The following NAALADL2 variants were observed in gnomAD, a reference collection of about 807,000 sequenced individuals.
NAALADL2 encodes the protein inactive N-acetylated-alpha-linked acidic dipeptidase-like protein 2.
In NAALADL2, 76 loss-of-function variants were observed where a neutral mutation model predicts 87.2. The ratio of observed to expected loss-of-function variants is 0.87; its 90% CI spans 0.72 to 1.05. The LOEUF (loss-of-function observed/expected upper bound fraction) is 1.05, where lower values mean the gene tolerates loss of function less well. Among genes scored for constraint, NAALADL2 ranks in the 50% least tolerant of loss-of-function variants. NAALADL2 has a pLI of 0.00. For synonymous variants in NAALADL2, 354 were observed against 331.0 expected (o/e 1.07, Z -0.75); for missense variants, 1,089 against 945.8 (o/e 1.15, Z -1.99).
intron 2 of NAALADL2, among the ~76,000 whole-genome samples, chr3:174,651,095 G>A (rs1724309117): frequency 6.6e-6 from 1 of 151,662 alleles, no homozygotes. Flanking sequence ...TTTATTTTTA[G>A]CTTTCCATTA....
chr3:175,807,129 A>G lies in NAALADL2; in HGVS notation c.*3926A>G, dbSNP rs990081307. 2 of 151,936 alleles carry G rather than the reference A, an allele frequency of 1.3e-5. No individual in the cohort carries two copies. The highest frequency in any genetic ancestry group is 3.4e-3 in the Middle Eastern group (1 of 294). 9.4% of individuals were successfully genotyped at this position (151,936 alleles called of 1,614,324 possible). On this transcript the variant is annotated 3_prime_UTR_variant, in exon 14 of 14. Transcript: ENST00000454872. ...GTAGGCTTACAAACAGTAAAAAGAG[A>G]CCAGAAACCACAAGTCTTACACTTT...
intron 11 of NAALADL2, among the ~76,000 whole-genome samples, chr3:175,736,483 G>A: frequency 6.6e-6 from 1 of 152,182 alleles, no homozygotes; most frequent in East Asian, 1.9e-4. Context: ...ACCAAACAAA[G>A]AGTCTGTTAC....
At chr3:175,563,819 G>A (rs1435434088) in intron 9 of NAALADL2, among the ~76,000 whole-genome samples, 4 of 152,120 alleles carry the variant, frequency 2.6e-5, no homozygotes, top group Non-Finnish European at 5.9e-5. Context: ...AACCTTCAAG[G>A]ATTAGCATTG....
chr3:175,741,789 C>G (rs1259081288), intron 12 of NAALADL2, among the ~76,000 whole-genome samples: 1 of 152,036 alleles, frequency 6.6e-6, no homozygotes, highest in Non-Finnish European at 1.5e-5. Flanking sequence ...GGTTGAGACA[C>G]CTATAACAAA....
chr3:175,249,280 T>G, intron 3 of NAALADL2, among the ~76,000 whole-genome samples: 1 of 152,156 alleles, frequency 6.6e-6, no homozygotes, highest in South Asian at 2.1e-4. Context: ...GTTAAAATTC[T>G]AATTAAAGAT....
At chr3:174,945,785 C>A (rs920440436) in intron 1 of NAALADL2, among the ~76,000 whole-genome samples, 1 of 152,118 alleles carries the variant, frequency 6.6e-6, no homozygotes. Context: ...AGGTGGCTCA[C>A]GCCTGTAATC....
chr3:174,964,307 T>C (rs2108575051), intron 1 of NAALADL2, among the ~76,000 whole-genome samples: 2 of 152,204 alleles, frequency 1.3e-5, no homozygotes, highest in Middle Eastern at 3.4e-3. Flanking sequence ...TCAAGAGTTC[T>C]TTGGACATGC....
chr3:174,610,124 T>A (rs75069520), intron 2 of NAALADL2, among the ~76,000 whole-genome samples: 48,852 of 145,304 alleles, frequency 0.34, 9,415 homozygotes, highest in Middle Eastern at 0.45. Flanking sequence ...TAGAAAGCTG[T>A]AACTGGATCC....
intron 10 of NAALADL2, among the ~76,000 whole-genome samples, chr3:175,613,375 A>C (rs1397395822): frequency 6.6e-6 from 1 of 152,216 alleles, no homozygotes; most frequent in Non-Finnish European, 1.5e-5. Flanking sequence ...AATACGATAA[A>C]GTAGTGCATA....
chr3:175,129,747 A>G (rs1303059820), intron 2 of NAALADL2, among the ~76,000 whole-genome samples: 1 of 152,162 alleles, frequency 6.6e-6, no homozygotes. Flanking sequence ...TCGTTCCCAT[A>G]TCTTGGCTAC....
intron 1 of NAALADL2, among the ~76,000 whole-genome samples, chr3:174,465,880 G>T (rs1240126415): frequency 2.6e-5 from 4 of 151,868 alleles, no homozygotes; most frequent in Non-Finnish European, 4.4e-5. Context: ...AGTTTTCAGT[G>T]TGTTTCTGTG....
At chr3:174,855,931 A>AAT (rs910089756), upstream of NAALADL2, among the ~76,000 whole-genome samples, 1 of 149,046 alleles carries the variant, frequency 6.7e-6, no homozygotes, top group Non-Finnish European at 1.5e-5. Context: ...CATAGATATG[A>AAT]ATATATATAC....
chr3:175,316,764 A>T (rs1271554219), intron 4 of NAALADL2, among the ~76,000 whole-genome samples: 1 of 152,136 alleles, frequency 6.6e-6, no homozygotes, highest in Non-Finnish European at 1.5e-5. Flanking sequence ...ATTTTAGACA[A>T]CCCCAACCTC....
chr3:174,766,359 C>T (rs766250653), intron 3 of NAALADL2, among the ~76,000 whole-genome samples: 1 of 152,162 alleles, frequency 6.6e-6, no homozygotes, highest in Non-Finnish European at 1.5e-5. Flanking sequence ...TTGATCTTCA[C>T]CTTATCTCTC....
chr3:175,575,622 G>T (rs1039442837), intron 9 of NAALADL2, among the ~76,000 whole-genome samples: 3 of 152,066 alleles, frequency 2.0e-5, no homozygotes, highest in Non-Finnish European at 2.9e-5. Flanking sequence ...AAGAAGAACA[G>T]AATTATACCC....
At chr3:175,231,554 C>T (rs1263656414) in intron 2 of NAALADL2, among the ~76,000 whole-genome samples, 1 of 151,914 alleles carries the variant, frequency 6.6e-6, no homozygotes, top group Non-Finnish European at 1.5e-5. Flanking sequence ...ATTTCATTTG[C>T]CTTCGAGGCC....
chr3:174,972,889 G>A (rs9855762), intron 1 of NAALADL2, among the ~76,000 whole-genome samples: 6,845 of 151,852 alleles, frequency 0.045, 524 homozygotes, highest in African/African-American at 0.16. Flanking sequence ...CCAGCTAGTC[G>A]GGAGGCTGAG....
chr3:175,808,581 A>G lies in NAALADL2; in HGVS notation c.*5378A>G, dbSNP rs1754898933. Reference sequence around the variant, plus strand: ...TTTCATCTAATTTCTTTGATGGCTTAAGCCAATAAGCACTGAGGTAGCTTT... The same window carrying G: ...TTTCATCTAATTTCTTTGATGGCTTGAGCCAATAAGCACTGAGGTAGCTTT... On this transcript the variant is annotated 3_prime_UTR_variant, in exon 14 of 14. Transcript: ENST00000454872. 1 of 151,958 alleles carries G rather than the reference A, an allele frequency of 6.6e-6. No individual in the cohort carries two copies. The highest frequency in any genetic ancestry group is 2.1e-4 in the South Asian group (1 of 4,826). The allele number at this position is 151,958 out of a possible 1,614,324, so 9.4% of individuals were successfully genotyped here.
At chr3:174,913,173 T>C (rs1285499407) in intron 1 of NAALADL2, among the ~76,000 whole-genome samples, 2 of 152,144 alleles carry the variant, frequency 1.3e-5, no homozygotes, top group African/African-American at 4.8e-5. Context: ...TGGTAGAACT[T>C]TCCCTATAAA....
Sources: allele counts gnomAD v4.1 joint callset (sites outside exome capture counted in the v4.1 genomes callset), GRCh38; gene constraint gnomAD v4.1.1; transcripts MANE v1.5; gene names NCBI Gene and HGNC (gene_info 2026-07-23, HGNC 2026-07-21).